The following POU2AF2 variants were observed in gnomAD, a reference collection of about 807,000 sequenced individuals.
The protein encoded by POU2AF2 is POU domain class 2-associating factor 2.
chr11:111,276,447 A>ATATATATATAT, the POU2AF2 span, among the ~76,000 whole-genome samples: 1 of 30,258 alleles, frequency 3.3e-5, no homozygotes, highest in African/African-American at 8.4e-5. Flanking sequence ...AAGAAAAAAA[A>ATATATATATAT]AAAAAAATAT....
chr11:111,270,561 G>T, the POU2AF2 span, among the ~76,000 whole-genome samples: 1 of 152,196 alleles, frequency 6.6e-6, no homozygotes, highest in East Asian at 1.9e-4. Flanking sequence ...TCCCTCCTCA[G>T]TCAAAAATTC....
At chr11:111,271,550 T>C in the POU2AF2 span, among the ~76,000 whole-genome samples, 1 of 152,116 alleles carries the variant, frequency 6.6e-6, no homozygotes, top group East Asian at 1.9e-4. Flanking sequence ...GCCTCCCAAG[T>C]AGCTGGGACT....
chr11:111,281,402 GC>G, the POU2AF2 span: 11 of 1,612,122 alleles, frequency 6.8e-6, no homozygotes, highest in African/African-American at 1.3e-5. Context: ...TTCCAGGGCA[GC>G]GTCAGTTCCT....
the POU2AF2 span, among the ~76,000 whole-genome samples, chr11:111,268,477 T>TTTTTTTTTATTTTATTTTA: frequency 1.3e-5 from 1 of 77,560 alleles, no homozygotes; most frequent in African/African-American, 3.4e-5. Context: ...CATTTTTCTT[T>TTTTTTTTTATTTTATTTTA]TTTTATTTTA....
chr11:111,265,009 T>C, the POU2AF2 span, among the ~76,000 whole-genome samples: 1 of 151,492 alleles, frequency 6.6e-6, no homozygotes, highest in Non-Finnish European at 1.5e-5. Context: ...AAAGACTTCT[T>C]GGAGGAAAGC....
the POU2AF2 span, among the ~76,000 whole-genome samples, chr11:111,253,557 C>A: frequency 6.6e-6 from 1 of 152,190 alleles, no homozygotes; most frequent in Non-Finnish European, 1.5e-5. Context: ...TCCCATCCAC[C>A]ACTACTCAGT....
the POU2AF2 span, chr11:111,284,319 C>T: frequency 1.2e-6 from 2 of 1,610,922 alleles, no homozygotes; most frequent in Non-Finnish European, 1.7e-6. Flanking sequence ...TTCAGCGCCT[C>T]GCCCCTACCG....
chr11:111,252,734 A>G, the POU2AF2 span, among the ~76,000 whole-genome samples: 1 of 151,944 alleles, frequency 6.6e-6, no homozygotes, highest in Non-Finnish European at 1.5e-5. Flanking sequence ...TGTCCTCTTC[A>G]AATATTTTCA....
chr11:111,247,075 T>C, the POU2AF2 span, among the ~76,000 whole-genome samples: 1 of 152,168 alleles, frequency 6.6e-6, no homozygotes, highest in Admixed American at 6.5e-5. Context: ...TTTTCTTCCC[T>C]GTCTGGCTTG....
the POU2AF2 span, among the ~76,000 whole-genome samples, chr11:111,252,436 A>T: frequency 6.6e-6 from 1 of 152,038 alleles, no homozygotes; most frequent in Non-Finnish European, 1.5e-5. Flanking sequence ...TGGTCCAGGG[A>T]TCACATTTGA....
the POU2AF2 span, among the ~76,000 whole-genome samples, chr11:111,264,688 AAGAC>A: frequency 0.013 from 1,980 of 149,580 alleles, 40 homozygotes; most frequent in Non-Finnish European, 0.022. Flanking sequence ...AGGAGAGAGA[AAGAC>A]AGAGAAAGAA....
the POU2AF2 span, among the ~76,000 whole-genome samples, chr11:111,247,664 A>G: frequency 2.0e-5 from 3 of 151,078 alleles, no homozygotes; most frequent in African/African-American, 7.3e-5. Context: ...GCGGGCGCCT[A>G]TAGTACCAGC....
the POU2AF2 span, among the ~76,000 whole-genome samples, chr11:111,278,176 T>C: frequency 5.3e-5 from 8 of 152,214 alleles, no homozygotes; most frequent in African/African-American, 1.4e-4. Flanking sequence ...CTGTTTACCA[T>C]GTGGCAGACA....
the POU2AF2 span, among the ~76,000 whole-genome samples, chr11:111,275,509 G>A: frequency 6.6e-6 from 1 of 152,112 alleles, no homozygotes; most frequent in Non-Finnish European, 1.5e-5. Flanking sequence ...GATTAATGTG[G>A]GGAACCTGGA....
At chr11:111,278,505 G>C in the POU2AF2 span, among the ~76,000 whole-genome samples, 2 of 152,132 alleles carry the variant, frequency 1.3e-5, no homozygotes, top group African/African-American at 4.8e-5. Flanking sequence ...TCCCTCTAAT[G>C]GGATTAGTGT....
chr11:111,249,534 C>T, the POU2AF2 span, among the ~76,000 whole-genome samples: 1 of 152,136 alleles, frequency 6.6e-6, no homozygotes, highest in African/African-American at 2.4e-5. Context: ...TTTGTCACCA[C>T]CCAAACTCCC....
At chr11:111,250,135 G>T in the POU2AF2 span, among the ~76,000 whole-genome samples, 1 of 151,946 alleles carries the variant, frequency 6.6e-6, no homozygotes, top group Non-Finnish European at 1.5e-5. Context: ...CTCTTTCCCC[G>T]ACCTTCTTGA....
the POU2AF2 span, among the ~76,000 whole-genome samples, chr11:111,264,554 AAGAAAGAAAGAAAGAAAGAAAGGG>A: frequency 8.0e-5 from 5 of 62,388 alleles, no homozygotes; most frequent in South Asian, 8.0e-4. Flanking sequence ...GAAAGAAAGA[AAGAAAGAAAGAAAGAAAGAAAGGG>A]AGAGAGAAAG....
At chr11:111,251,084 T>G in the POU2AF2 span, among the ~76,000 whole-genome samples, 1 of 152,112 alleles carries the variant, frequency 6.6e-6, no homozygotes, top group African/African-American at 2.4e-5. Flanking sequence ...GTGTTGAAAC[T>G]AGACTAGGGC....
Sources: gnomAD v4.1 joint callset for allele counts (sites outside exome capture counted in the v4.1 genomes callset) on GRCh38, gnomAD v4.1.1 for gene constraint, MANE v1.5 for transcripts, NCBI Gene and HGNC (gene_info 2026-07-23, HGNC 2026-07-21) for gene names.